The following COL24A1 variants were observed in gnomAD, a reference collection of about 807,000 sequenced individuals.
COL24A1 encodes the protein collagen type XXIV alpha 1 chain, also known as collagen alpha-1(XXIV) chain.
Under a neutral mutation model 253.9 loss-of-function variants are expected in COL24A1, and 224 were observed. The ratio of observed to expected loss-of-function variants is 0.88; its 90% CI spans 0.79 to 0.99. COL24A1 has a LOEUF of 0.99. COL24A1 is among the 50% of genes least tolerant of loss of function. The pLI, the probability that COL24A1 is intolerant of heterozygous loss-of-function variation, is 0.00. For missense variants in COL24A1, 2,131 were observed against 2,068.5 expected, an observed-to-expected ratio of 1.03 and a Z score of -0.59; for synonymous variants, 685 against 673.7, an observed-to-expected ratio of 1.02 and a Z score of -0.26.
chr1:85,760,067 T>TG (rs1553167780), intron 55 of COL24A1, among the ~76,000 whole-genome samples: 5 of 151,598 alleles, frequency 3.3e-5, no homozygotes, highest in African/African-American at 4.8e-5. Context: ...TGTTTTTTTT[T>TG]TTTTTTTGTT....
chr1:85,861,271 T>C (rs908833491), intron 37 of COL24A1, among the ~76,000 whole-genome samples: 4 of 152,210 alleles, frequency 2.6e-5, no homozygotes, highest in Non-Finnish European at 4.4e-5. Flanking sequence ...GTCATTTGTA[T>C]ATCTTCTTTG....
At chr1:85,828,229 G>C (rs997439575) in intron 43 of COL24A1, among the ~76,000 whole-genome samples, 2 of 151,976 alleles carry the variant, frequency 1.3e-5, no homozygotes, top group African/African-American at 4.8e-5. Context: ...TAGTTGAGCA[G>C]TTTTGAGTGA....
chr1:85,731,387 TA>T (rs1663456075), intron 59 of COL24A1, among the ~76,000 whole-genome samples: 1 of 152,226 alleles, frequency 6.6e-6, no homozygotes, highest in African/African-American at 2.4e-5. Flanking sequence ...ATTATCATGA[TA>T]TAAATTTTAA....
chr1:85,776,387 C>T (rs760290107), intron 52 of COL24A1, among the ~76,000 whole-genome samples: 1 of 152,000 alleles, frequency 6.6e-6, no homozygotes, highest in Non-Finnish European at 1.5e-5. Flanking sequence ...GTTCCATATG[C>T]ACTTGAAACG....
chr1:85,761,492 G>A (rs1408486211), intron 54 of COL24A1, 39 bp downstream of exon 54: 3 of 1,613,754 alleles, frequency 1.9e-6, no homozygotes, highest in African/African-American at 2.7e-5. Flanking sequence ...AAACATATAA[G>A]CATCAATGGT....
At chr1:85,776,818 T>G (rs1291057978) in intron 52 of COL24A1, among the ~76,000 whole-genome samples, 9 of 152,136 alleles carry the variant, frequency 5.9e-5, no homozygotes, top group African/African-American at 2.2e-4. Flanking sequence ...TATGTCATGT[T>G]CTTTGTTAAT....
In COL24A1 at chr1:85,932,691, T is replaced by C. The variant is rs1571273565; in HGVS notation, c.2563-21258A>G. ...AGCAAAGACTTGGAACCAACCCAAA[T>C]GTCCAACAATGATAGATTGGATTAA... On this transcript the variant is annotated intron_variant, in intron 24 of 59. Transcript: ENST00000370571. Among the ~76,000 whole-genome samples the C allele has an allele frequency of 4.8e-5, 5 of 103,828 alleles. No homozygotes were observed. In the South Asian group the frequency reaches 1.8e-3, roughly 37 times the overall value. The allele number at this position is 103,828 out of a possible 152,430, so 68.1% of individuals were successfully genotyped here. A position where few individuals can be genotyped will look rare whatever the true frequency, so the allele number is the denominator to read the frequency against.
chr1:86,115,876 A>G (rs1283435212), intron 3 of COL24A1, among the ~76,000 whole-genome samples: 3 of 152,218 alleles, frequency 2.0e-5, no homozygotes, highest in Non-Finnish European at 4.4e-5. Context: ...TTGTATATCC[A>G]TTAATAAATC....
intron 31 of COL24A1, 44 bp downstream of exon 31, chr1:85,895,814 T>C (rs1571123662): frequency 6.5e-7 from 1 of 1,530,470 alleles, no homozygotes; most frequent in East Asian, 2.3e-5. Flanking sequence ...CCCCCAAAAA[T>C]GCAGATAAAA....
chr1:85,820,776 G>T (rs186376), intron 45 of COL24A1, among the ~76,000 whole-genome samples: 127,531 of 152,192 alleles, frequency 0.84, 53,774 homozygotes, highest in South Asian at 0.89. Flanking sequence ...CTGAAAAATA[G>T]GTAGAGTGGC....
chr1:85,738,260 C>T (rs188420224), intron 57 of COL24A1, among the ~76,000 whole-genome samples: 6 of 152,188 alleles, frequency 3.9e-5, no homozygotes, highest in South Asian at 4.1e-4. Flanking sequence ...CAACTTCCAT[C>T]TCTTGAAGGA....
At chr1:85,921,571 C>G (rs1004898594) in intron 24 of COL24A1, among the ~76,000 whole-genome samples, 1 of 152,226 alleles carries the variant, frequency 6.6e-6, no homozygotes, top group African/African-American at 2.4e-5. Flanking sequence ...AACAGACCTG[C>G]AGCTGAGGGA....
chr1:86,122,169 T>G (rs1293301166), intron 3 of COL24A1, among the ~76,000 whole-genome samples: 3 of 129,504 alleles, frequency 2.3e-5, no homozygotes, highest in Non-Finnish European at 3.3e-5. Flanking sequence ...ATCCAATAGA[T>G]TATCGCTTTT....
chr1:85,783,749 G>A (rs1669379065), intron 50 of COL24A1, among the ~76,000 whole-genome samples, 191 bp from the exon 51 acceptor site: 1 of 152,126 alleles, frequency 6.6e-6, no homozygotes, highest in Admixed American at 6.6e-5. Context: ...AAGGGAGAGA[G>A]GGATACGTAG....
At chr1:85,968,239 C>T (rs1009434051) in intron 22 of COL24A1, among the ~76,000 whole-genome samples, 1 of 152,080 alleles carries the variant, frequency 6.6e-6, no homozygotes, top group Non-Finnish European at 1.5e-5. Flanking sequence ...AGTTCTGTCC[C>T]TCTAGAGAAC....
intron 24 of COL24A1, among the ~76,000 whole-genome samples, chr1:85,935,289 A>C (rs1475156648): frequency 6.8e-6 from 1 of 146,744 alleles, no homozygotes; most frequent in Non-Finnish European, 1.5e-5. Flanking sequence ...GGTTCGGAAA[A>C]AGAAAACTTA....
At chr1:85,767,070 C>T (rs1007502071) in intron 53 of COL24A1, among the ~76,000 whole-genome samples, 2 of 151,614 alleles carry the variant, frequency 1.3e-5, no homozygotes, top group African/African-American at 4.9e-5. Flanking sequence ...CGCCACTGCA[C>T]TCCAGCCTGG....
intron 37 of COL24A1, among the ~76,000 whole-genome samples, chr1:85,856,577 T>C (rs761766593): frequency 1.3e-5 from 2 of 152,216 alleles, no homozygotes; most frequent in African/African-American, 2.4e-5. Flanking sequence ...CTGATTACCC[T>C]ACCTAATGAT....
Position 85,907,175 on chromosome 1 carries a change from T to C in COL24A1, c.2778+19A>G. On this transcript the variant is annotated intron_variant, in intron 28 of 59. Transcript: ENST00000370571. Reference sequence around the variant, plus strand: ...TAATTTTGGGGGGGTTAATGTACTTTTTTCCTTAGATTACTTACTCTTTGT... The same window carrying C: ...TAATTTTGGGGGGGTTAATGTACTTCTTTCCTTAGATTACTTACTCTTTGT... 1 of 1,606,860 alleles carries C rather than the reference T, an allele frequency of 6.2e-7. No homozygotes were observed. Among genetic ancestry groups the C allele is most frequent in the Non-Finnish European group, 8.5e-7 (1 of 1,174,574 alleles).
Sources: gnomAD v4.1 joint callset for allele counts (sites outside exome capture counted in the v4.1 genomes callset) on GRCh38, gnomAD v4.1.1 for gene constraint, MANE v1.5 for transcripts, NCBI Gene and HGNC (gene_info 2026-07-23, HGNC 2026-07-21) for gene names.